PRKCB: variants seen among roughly 807,000 people sequenced by gnomAD.
PRKCB encodes the protein protein kinase C beta.
PRKCB carries 13 observed loss-of-function variants against 81.5 expected under a neutral mutation model. The observed-to-expected ratio is 0.16, with a 90% confidence interval of 0.10 to 0.25. The LOEUF (loss-of-function observed/expected upper bound fraction) is 0.25. Among genes scored for constraint, PRKCB ranks in the 10% least tolerant of loss-of-function variants. The probability of loss-of-function intolerance (pLI) is 1.00; values close to 1 mark genes in which losing one functional copy is unlikely to be tolerated. For missense variants in PRKCB, 509 were observed against 875.7 expected (o/e 0.58, Z 5.29); for synonymous variants, 335 against 321.4 (o/e 1.04, Z -0.45).
At chr16:24,114,012 T>C (rs548008754) in intron 8 of PRKCB, among the ~76,000 whole-genome samples, 135 of 151,696 alleles carry the variant, frequency 8.9e-4, no homozygotes, top group Non-Finnish European at 1.4e-3. Context: ...AAGTCAGGAG[T>C]TGGACACCAG....
chr16:23,911,696 T>C (rs1963655890), intron 2 of PRKCB, among the ~76,000 whole-genome samples: 1 of 152,164 alleles, frequency 6.6e-6, no homozygotes, highest in African/African-American at 2.4e-5. Context: ...CCCACTCACC[T>C]TTCCAGCCTG....
chr16:24,196,960 G>A (rs1967888869), intron 16 of PRKCB, among the ~76,000 whole-genome samples: 1 of 152,178 alleles, frequency 6.6e-6, no homozygotes, highest in African/African-American at 2.4e-5. Flanking sequence ...TGGTGGTTTG[G>A]GTACTAAAGG....
chr16:24,068,998 A>G (rs529192936), intron 5 of PRKCB, among the ~76,000 whole-genome samples: 1 of 152,350 alleles, frequency 6.6e-6, no homozygotes, highest in South Asian at 2.1e-4. Context: ...ACCATATGCC[A>G]GACATTCTAT....
chr16:23,863,219 CAT>C (rs1265695638), intron 2 of PRKCB, among the ~76,000 whole-genome samples: 11 of 79,370 alleles, frequency 1.4e-4, no homozygotes, highest in Non-Finnish European at 3.0e-4. Flanking sequence ...TATATACATA[CAT>C]ATATATGTGT....
At chr16:24,002,847 C>T (rs889220337) in intron 3 of PRKCB, among the ~76,000 whole-genome samples, 2 of 152,132 alleles carry the variant, frequency 1.3e-5, no homozygotes, top group African/African-American at 2.4e-5. Context: ...GTTTGCCCTT[C>T]CAATCCACTC....
chr16:24,181,117 C>A (rs1226690520), intron 13 of PRKCB, among the ~76,000 whole-genome samples, 189 bp downstream of exon 13: 1 of 152,182 alleles, frequency 6.6e-6, no homozygotes, highest in Non-Finnish European at 1.5e-5. Context: ...TCCAGAAGCC[C>A]AAGCCCAAAA....
At chr16:23,995,690 C>G (rs1964946739) in intron 3 of PRKCB, among the ~76,000 whole-genome samples, 1 of 152,120 alleles carries the variant, frequency 6.6e-6, no homozygotes, top group African/African-American at 2.4e-5. Context: ...GTGATCAAGC[C>G]TGGGCAGGCT....
At chr16:23,875,700 TCA>T (rs1290903024) in intron 2 of PRKCB, among the ~76,000 whole-genome samples, 5 of 141,106 alleles carry the variant, frequency 3.5e-5, no homozygotes, top group Admixed American at 7.3e-5. Context: ...TGTATGTATA[TCA>T]CACATATATA....
chr16:24,069,863 T>C (rs896761337), intron 5 of PRKCB, among the ~76,000 whole-genome samples: 1 of 152,266 alleles, frequency 6.6e-6, no homozygotes, highest in Non-Finnish European at 1.5e-5. Context: ...ATATTCTCTC[T>C]GGGCTGGAGG....
intron 2 of PRKCB, among the ~76,000 whole-genome samples, chr16:23,840,197 G>A (rs564975637): frequency 1.3e-5 from 2 of 152,236 alleles, no homozygotes; most frequent in South Asian, 4.1e-4. Context: ...ATTGTTCTTG[G>A]TATCAGATAT....
chr16:24,019,298 C>A (rs1237893923), intron 3 of PRKCB, among the ~76,000 whole-genome samples: 1 of 151,662 alleles, frequency 6.6e-6, no homozygotes, highest in East Asian at 1.9e-4. Flanking sequence ...GAACTATGAT[C>A]TCGCCACTGT....
At chr16:24,186,243 T>A (rs1967702542) in intron 15 of PRKCB, among the ~76,000 whole-genome samples, 1 of 152,150 alleles carries the variant, frequency 6.6e-6, no homozygotes, top group Admixed American at 6.5e-5. Context: ...TTCTGTGAGA[T>A]CCTAAAGATC....
At chr16:24,151,477 C>T (rs966812262) in intron 9 of PRKCB, among the ~76,000 whole-genome samples, 3 of 152,234 alleles carry the variant, frequency 2.0e-5, no homozygotes, top group East Asian at 1.9e-4. Flanking sequence ...TGTGAAAAAA[C>T]GGATATGAAT....
chr16:23,993,847 T>C (rs1311111036), intron 3 of PRKCB, among the ~76,000 whole-genome samples: 2 of 152,142 alleles, frequency 1.3e-5, no homozygotes, highest in East Asian at 3.8e-4. Context: ...TTGCTAGAAG[T>C]GAAATAGGTG....
In PRKCB at chr16:23,873,190, A is replaced by AC. The variant is rs1491512020; in HGVS notation, c.205+35784_205+35785insC. 4.4e-4 allele frequency among the ~76,000 whole-genome samples: 19 copies of AC among 43,184 alleles called. No homozygotes were observed. The East Asian group carries it at 5.1e-3, about 12-fold the overall frequency. 28.3% of individuals were successfully genotyped at this position (43,184 alleles called of 152,430 possible). A position where few individuals can be genotyped will look rare whatever the true frequency, so the allele number is the denominator to read the frequency against. On this transcript the variant is annotated intron_variant, in intron 2 of 16. Transcript: ENST00000643927. ...TAAAAACACACACACACACACACAC[A>AC]AAAAAAAAAAAAAAAAAAAGAAAAA... is the stretch of plus-strand genomic sequence containing the variant.
At position 24,126,263 on chromosome 16, in the gene PRKCB, C is replaced by G. The variant is rs74013146; in HGVS notation, c.1065+2282C>G. Reference sequence around the variant, plus strand: ...AAAAAAAATAGATGAGGTCAAGATACGTAAAATGTTAGGAAGAATTGAGGC... The same window carrying G: ...AAAAAAAATAGATGAGGTCAAGATAGGTAAAATGTTAGGAAGAATTGAGGC... On this transcript the variant is annotated intron_variant, in intron 9 of 16. Coordinates refer to ENST00000643927, the MANE Select transcript of PRKCB (RefSeq NM_002738.7). 4.2e-3 allele frequency among the ~76,000 whole-genome samples: 645 copies of G among 152,094 alleles called. 4 individuals carry two copies. The highest frequency in any genetic ancestry group is 0.013 in the African/African-American group (528 of 41,474).
Position 24,208,657 on chromosome 16 carries a change from A to G in PRKCB, c.1864-6001A>G, listed in dbSNP as rs2141991767. Among the ~76,000 whole-genome samples the G allele has an allele frequency of 2.0e-5, 3 of 152,118 alleles. No homozygotes were observed. The East Asian group carries it at 5.8e-4, about 29-fold the overall frequency. ...TGAGGCTGAAGTGTTCACCCAAGAC[A>G]AGCCAGAGAGGCAGGTGCAATCCAT... On this transcript the variant is annotated intron_variant, in intron 16 of 16. Coordinates refer to ENST00000643927, the MANE Select transcript of PRKCB (RefSeq NM_002738.7).
chr16:23,840,127 C>T (rs1762176102), intron 2 of PRKCB, among the ~76,000 whole-genome samples: 1 of 152,198 alleles, frequency 6.6e-6, no homozygotes, highest in African/African-American at 2.4e-5. Context: ...AAATTTATCC[C>T]TGGTACTCAG....
chr16:24,133,629 T>G (rs1041836397), intron 9 of PRKCB, among the ~76,000 whole-genome samples: 1 of 152,220 alleles, frequency 6.6e-6, no homozygotes, highest in African/African-American at 2.4e-5. Context: ...CCCTGCCCAT[T>G]ATCGCCAACG....
Sources: gnomAD v4.1 joint callset for allele counts (sites outside exome capture counted in the v4.1 genomes callset) on GRCh38, gnomAD v4.1.1 for gene constraint, MANE v1.5 for transcripts, NCBI Gene and HGNC (gene_info 2026-07-23, HGNC 2026-07-21) for gene names.